WDR7: variants seen among roughly 807,000 people sequenced by gnomAD.
WDR7 encodes the protein WD repeat domain 7, also known as WD repeat-containing protein 7.
In WDR7, 46 loss-of-function variants were observed where a neutral mutation model predicts 169.4. The observed-to-expected ratio is 0.27, with a 90% CI of 0.21 to 0.35. The LOEUF is 0.35. WDR7 is among the 10% of genes least tolerant of loss of function. The pLI is 1.00. For missense variants in WDR7, 1,534 were observed against 1,859.3 expected, an observed-to-expected ratio of 0.83 and a Z score of 3.22; for synonymous variants, 612 against 666.8, an observed-to-expected ratio of 0.92 and a Z score of 1.27.
chr18:56,986,004 T>C (rs1399465856), intron 26 of WDR7, among the ~76,000 whole-genome samples: 2 of 152,220 alleles, frequency 1.3e-5, no homozygotes, highest in Non-Finnish European at 2.9e-5. Context: ...ATTAGGTTAA[T>C]ATAATTGGTT....
At chr18:56,855,614 G>A (rs1217960996) in intron 20 of WDR7, among the ~76,000 whole-genome samples, 1 of 152,060 alleles carries the variant, frequency 6.6e-6, no homozygotes, top group Non-Finnish European at 1.5e-5. Context: ...CATGATATAT[G>A]CATATCTGGA....
intron 1 of WDR7, among the ~76,000 whole-genome samples, chr18:56,672,032 G>C (rs576140925): frequency 6.6e-6 from 1 of 152,116 alleles, no homozygotes. Flanking sequence ...TTGTATTTGA[G>C]TTTTATGACT....
At chr18:56,662,874 A>C (rs1448639638) in intron 1 of WDR7, among the ~76,000 whole-genome samples, 2 of 152,232 alleles carry the variant, frequency 1.3e-5, no homozygotes, top group Admixed American at 6.5e-5. Context: ...AGGTGGGATC[A>C]TTCTAGAACT....
At chr18:56,739,262 T>G (rs1482300103) in intron 14 of WDR7, among the ~76,000 whole-genome samples, 2 of 152,136 alleles carry the variant, frequency 1.3e-5, no homozygotes, top group Non-Finnish European at 2.9e-5. Context: ...CTTATACTTG[T>G]TAGCTATAGA....
At chr18:56,770,728 C>T (rs966041434) in intron 16 of WDR7, among the ~76,000 whole-genome samples, 2 of 152,116 alleles carry the variant, frequency 1.3e-5, no homozygotes, top group East Asian at 1.9e-4. Context: ...CTTTCTGCTG[C>T]CTGCACCTTT....
chr18:56,766,433 A>T (rs1415825570), intron 16 of WDR7, among the ~76,000 whole-genome samples: 1 of 151,870 alleles, frequency 6.6e-6, no homozygotes, highest in Non-Finnish European at 1.5e-5. Context: ...TTATTTCGGG[A>T]TTATTTTTCC....
At chr18:56,720,267 C>A (rs2026291284) in intron 13 of WDR7, among the ~76,000 whole-genome samples, 1 of 151,468 alleles carries the variant, frequency 6.6e-6, no homozygotes, top group South Asian at 2.1e-4. Flanking sequence ...GGAGACATGG[C>A]CAAACTCTGT....
chr18:56,907,725 G>C (rs1341920350), intron 21 of WDR7, among the ~76,000 whole-genome samples: 1 of 152,148 alleles, frequency 6.6e-6, no homozygotes, highest in Non-Finnish European at 1.5e-5. Flanking sequence ...TCAGTATCTG[G>C]TGAGGGCCTG....
chr18:56,742,130 T>G (rs1020932109), intron 14 of WDR7, among the ~76,000 whole-genome samples: 2 of 152,200 alleles, frequency 1.3e-5, no homozygotes, highest in Non-Finnish European at 2.9e-5. Flanking sequence ...TGCAAATACA[T>G]TAACAAAAAT....
intron 12 of WDR7, among the ~76,000 whole-genome samples, chr18:56,713,137 T>A (rs1179655615): frequency 6.6e-6 from 1 of 152,206 alleles, no homozygotes; most frequent in South Asian, 2.1e-4. Flanking sequence ...GAAAAATCTC[T>A]TCATCGGCTA....
chr18:57,024,580 A>G (rs12964234), intron 27 of WDR7, among the ~76,000 whole-genome samples: 1,953 of 50,528 alleles, frequency 0.039, 88 homozygotes, highest in East Asian at 0.061. Flanking sequence ...TCCCTTATAG[A>G]ATTTCACATA....
intron 20 of WDR7, among the ~76,000 whole-genome samples, chr18:56,820,484 TA>T (rs1157797314): frequency 2.6e-5 from 4 of 151,752 alleles, no homozygotes; most frequent in Non-Finnish European, 4.4e-5. Context: ...CATTTTTTGT[TA>T]AATTATAATT....
At chr18:56,741,784 T>C (rs1167659696) in intron 14 of WDR7, among the ~76,000 whole-genome samples, 1 of 152,214 alleles carries the variant, frequency 6.6e-6, no homozygotes, top group Non-Finnish European at 1.5e-5. Context: ...ACTAACTAAA[T>C]ATTTAATTCA....
At chr18:56,993,835 A>G (rs2047854275) in intron 26 of WDR7, among the ~76,000 whole-genome samples, 1 of 152,166 alleles carries the variant, frequency 6.6e-6, no homozygotes, top group African/African-American at 2.4e-5. Flanking sequence ...TACTGGATAC[A>G]TATTTGGCAG....
At chr18:56,830,535 C>T (rs1355418037) in intron 20 of WDR7, among the ~76,000 whole-genome samples, 1 of 152,214 alleles carries the variant, frequency 6.6e-6, no homozygotes, top group African/African-American at 2.4e-5. Context: ...TTCAGCGTGT[C>T]ACTAGTAATA....
chr18:56,705,510 A>G lies in WDR7; in HGVS notation c.1578+9048A>G, dbSNP rs149762262. Among the ~76,000 whole-genome samples the G allele has an allele frequency of 2.1e-3, 327 of 152,290 alleles. 1 individual carries two copies. Among genetic ancestry groups the G allele is most frequent in the Admixed American group, 3.1e-3 (47 of 15,294 alleles). ...GAATATATTAGTTTTGTGGATATTT[A>G]TAAAATCATAAATGATACATTAACA... is the stretch of plus-strand genomic sequence containing the variant. On this transcript the variant is annotated intron_variant, in intron 12 of 27. Coordinates refer to ENST00000254442, the MANE Select transcript of WDR7 (RefSeq NM_015285.3).
chr18:56,731,192 G>A (rs2026578336), intron 13 of WDR7, among the ~76,000 whole-genome samples, 191 bp from the exon 14 acceptor site: 1 of 152,126 alleles, frequency 6.6e-6, no homozygotes, highest in Non-Finnish European at 1.5e-5. Context: ...GACTTTGTGG[G>A]AGAGGAATTC....
At chr18:56,757,473 G>A (rs1293082043) in intron 15 of WDR7, 121 bp downstream of exon 15, 1 of 1,007,076 alleles carries the variant, frequency 9.9e-7, no homozygotes, top group Non-Finnish European at 1.4e-6. Context: ...TGTCATCTCA[G>A]TTGTTTCCCT....
intron 22 of WDR7, among the ~76,000 whole-genome samples, chr18:56,929,078 T>C (rs1182015337): frequency 6.6e-6 from 1 of 152,042 alleles, no homozygotes; most frequent in Non-Finnish European, 1.5e-5. Context: ...GCCCAGGAGT[T>C]TGAGACCAGC....
Sources: gnomAD v4.1 joint callset for allele counts (sites outside exome capture counted in the v4.1 genomes callset) on GRCh38, gnomAD v4.1.1 for gene constraint, MANE v1.5 for transcripts, NCBI Gene and HGNC (gene_info 2026-07-23, HGNC 2026-07-21) for gene names.